SEPTIN9: variants seen among roughly 807,000 people sequenced by gnomAD.
SEPTIN9 encodes the protein septin 9, also known as septin-9.
Under a neutral mutation model 56.6 loss-of-function variants are expected in SEPTIN9, and 13 were observed. The observed-to-expected ratio is 0.23, with a 90% CI of 0.15 to 0.37. The LOEUF (loss-of-function observed/expected upper bound fraction) is 0.37. Among genes scored for constraint, SEPTIN9 ranks in the 10% least tolerant of loss-of-function variants. The pLI is 1.00. For missense variants in SEPTIN9, 650 were observed against 823.1 expected (o/e 0.79, Z 2.57); for synonymous variants, 332 against 334.1 (o/e 0.99, Z 0.07).
At chr17:77,346,225 A>T (rs2033886965) in intron 2 of SEPTIN9, among the ~76,000 whole-genome samples, 1 of 136,364 alleles carries the variant, frequency 7.3e-6, no homozygotes. Context: ...TACAGGCGTG[A>T]GCTACACTGC....
At chr17:77,439,003 CAT>C (rs959111583) in intron 3 of SEPTIN9, among the ~76,000 whole-genome samples, 14 of 152,302 alleles carry the variant, frequency 9.2e-5, no homozygotes, top group South Asian at 6.2e-4. Flanking sequence ...GGGCTGGACA[CAT>C]GTTTCCTTTT....
rs1037287242 is a variant in SEPTIN9, at chr17:77,329,768, G to T, written c.76+22571G>T. On this transcript the variant is annotated intron_variant, in intron 2 of 11. Transcript: ENST00000427177. The surrounding 1 kb of genome is among the most constrained non-coding windows in gnomAD (Gnocchi z 4.3). ...GGTTTCTTCCCAGCCTCTGACTCGG[G>T]GCAAGGTTCAGATATCCAGAACATT... 9.2e-5 allele frequency among the ~76,000 whole-genome samples: 14 copies of T among 152,068 alleles called. No individual in the cohort carries two copies. Among genetic ancestry groups the T allele is most frequent in the African/African-American group, 2.4e-4 (10 of 41,396 alleles).
At position 77,488,203 on chromosome 17, in the gene SEPTIN9, G is replaced by A. The variant is rs148393522; in HGVS notation, c.1043-37G>A. 3.6e-4 allele frequency: 572 copies of A among 1,602,718 alleles called. 1 individual carries two copies. The African/African-American group carries it at 4.5e-3, about 13-fold the overall frequency. ...TGTGGGGTGTCTGTGAGGGTCTTCC[G>A]TCTCCCCTCTGACTCTGCGTCCGTG... is the stretch of plus-strand genomic sequence containing the variant. On this transcript the variant is annotated intron_variant, in intron 5 of 11. Transcript: ENST00000427177.
At chr17:77,471,963 GC>G (rs368975712) in intron 3 of SEPTIN9, among the ~76,000 whole-genome samples, 1,776 of 151,056 alleles carry the variant, frequency 0.012, 32 homozygotes, top group African/African-American at 0.04. Context: ...ATATAAAATA[GC>G]CCCCCCCACC....
In SEPTIN9 at chr17:77,450,619, G is replaced by C. The variant is rs973708732; in HGVS notation, c.722-31525G>C. ...CCTATAGTGTCAGCTCCCTCCTCTG[G>C]GGACCCCCTTGCTTGTGCCCCTCTG... On this transcript the variant is annotated intron_variant, in intron 3 of 11. Coordinates refer to ENST00000427177, the MANE Select transcript of SEPTIN9 (RefSeq NM_001113491.2). The surrounding 1 kb of genome is among the most constrained non-coding windows in gnomAD (Gnocchi z 6.0). 1.0e-6 allele frequency: 1 copy of C among 985,782 alleles called. No homozygotes were observed. The highest frequency in any genetic ancestry group is 1.2e-6 in the Non-Finnish European group (1 of 830,236). 61.1% of individuals were successfully genotyped at this position (985,782 alleles called of 1,614,324 possible).
intron 2 of SEPTIN9, among the ~76,000 whole-genome samples, chr17:77,332,476 C>T (rs1210419494): frequency 2.0e-5 from 3 of 152,158 alleles, no homozygotes; most frequent in Non-Finnish European, 2.9e-5. Context: ...CCTGTCAACA[C>T]CTCAGTTTGC....
Position 77,318,154 on chromosome 17 carries a change from G to A in SEPTIN9, c.76+10957G>A, listed in dbSNP as rs2143643489. Reference sequence around the variant, plus strand: ...TGGAAAAATTGTCTTCCCTGAAACCGATCCCAGGTGCCAAAAAGGTTGGGG... The same window carrying A: ...TGGAAAAATTGTCTTCCCTGAAACCAATCCCAGGTGCCAAAAAGGTTGGGG... On this transcript the variant is annotated intron_variant, in intron 2 of 11. Transcript: ENST00000427177. The surrounding 1 kb of genome is among the most constrained non-coding windows in gnomAD (Gnocchi z 4.9). Among the ~76,000 whole-genome samples the A allele has an allele frequency of 6.6e-6, 1 of 152,058 alleles. No homozygotes were observed. The highest frequency in any genetic ancestry group is 3.4e-3 in the Middle Eastern group (1 of 292).
chr17:77,382,860 G>C (rs971275341), intron 2 of SEPTIN9, among the ~76,000 whole-genome samples: 1 of 152,072 alleles, frequency 6.6e-6, no homozygotes, highest in Non-Finnish European at 1.5e-5. Flanking sequence ...GCAAAGGCGG[G>C]GTCCCTCCCT....
intron 3 of SEPTIN9, among the ~76,000 whole-genome samples, chr17:77,467,426 C>T (rs1382991723): frequency 6.6e-6 from 1 of 152,120 alleles, no homozygotes; most frequent in Non-Finnish European, 1.5e-5. Flanking sequence ...CCCAGGGGCC[C>T]TGAGCCCAGC....
Position 77,384,657 on chromosome 17 carries a change from C to T in SEPTIN9, c.77-17402C>T, listed in dbSNP as rs561695960. On this transcript the variant is annotated intron_variant, in intron 2 of 11. Transcript: ENST00000427177. ...CCACCAAGAGTTGGGGACCAGCAGTCCATTTTTTAGCAAGATCCAGAAATG... is the reference window on the plus strand; with the variant it reads ...CCACCAAGAGTTGGGGACCAGCAGTTCATTTTTTAGCAAGATCCAGAAATG... Among the ~76,000 whole-genome samples, 3 of 147,990 alleles carry T rather than the reference C, an allele frequency of 2.0e-5. No homozygotes were observed. In the South Asian group the frequency reaches 6.5e-4, roughly 32 times the overall value.
chr17:77,466,097 CACACACACACGA>C (rs1187261298), intron 3 of SEPTIN9, among the ~76,000 whole-genome samples: 107 of 144,622 alleles, frequency 7.4e-4, no homozygotes, highest in African/African-American at 2.5e-3. Context: ...CACACACACA[CACACACACACGA>C]GTAAACTGTA....
intron 2 of SEPTIN9, among the ~76,000 whole-genome samples, chr17:77,379,713 G>A (rs534949633): frequency 1.3e-5 from 2 of 152,298 alleles, no homozygotes; most frequent in East Asian, 1.9e-4. Context: ...TCATCGTGCC[G>A]GGGATGGGGC....
intron 4 of SEPTIN9, among the ~76,000 whole-genome samples, chr17:77,485,158 A>T (rs1342167539): frequency 2.4e-4 from 1 of 4,150 alleles, no homozygotes; most frequent in South Asian, 5.7e-3. Context: ...GATGGGGGTG[A>T]TGATGGTAAT....
chr17:77,431,372 C>T lies in SEPTIN9; in HGVS notation c.721+28669C>T, dbSNP rs897743982. 2.6e-5 allele frequency among the ~76,000 whole-genome samples: 4 copies of T among 152,336 alleles called. No individual in the cohort carries two copies. In the East Asian group the frequency reaches 7.7e-4, roughly 29 times the overall value. On this transcript the variant is annotated intron_variant, in intron 3 of 11. Transcript: ENST00000427177. ...TTTGTGATTTTAAAAATCACACCTA[C>T]TTGTGACAAAATAATTAAATTAGAA...
At chr17:77,399,887 G>A (rs978389992) in intron 2 of SEPTIN9, among the ~76,000 whole-genome samples, 1 of 152,212 alleles carries the variant, frequency 6.6e-6, no homozygotes, top group Non-Finnish European at 1.5e-5. Context: ...GCTGCCCTGC[G>A]GCCACGTGAT....
Position 77,383,391 on chromosome 17 carries a change from A to T in SEPTIN9, c.77-18668A>T, listed in dbSNP as rs565186914. ...TGTCTTTTAATCCCCACGAGAGCCCAACAAGGTAGATTGGGCTGCTGAGGC... is the reference window on the plus strand; with the variant it reads ...TGTCTTTTAATCCCCACGAGAGCCCTACAAGGTAGATTGGGCTGCTGAGGC... On this transcript the variant is annotated intron_variant, in intron 2 of 11. Coordinates refer to ENST00000427177, the MANE Select transcript of SEPTIN9 (RefSeq NM_001113491.2). Among the ~76,000 whole-genome samples the T allele has an allele frequency of 7.2e-5, 11 of 152,194 alleles. No homozygotes were observed. In the East Asian group the frequency reaches 1.6e-3, roughly 21 times the overall value.
Position 77,310,502 on chromosome 17 carries a change from G to T in SEPTIN9, c.76+3305G>T, listed in dbSNP as rs1432399110. On this transcript the variant is annotated intron_variant, in intron 2 of 11. Transcript: ENST00000427177. The surrounding 1 kb of genome is among the most constrained non-coding windows in gnomAD (Gnocchi z 4.7). Reference sequence around the variant, plus strand: ...GCTAGCGAGTGTTCCTCTGTGTGGGGAGGCAGAGTTTGCCCGTCCCGTGGC... The same window carrying T: ...GCTAGCGAGTGTTCCTCTGTGTGGGTAGGCAGAGTTTGCCCGTCCCGTGGC... Among the ~76,000 whole-genome samples, 1 of 152,182 alleles carries T rather than the reference G, an allele frequency of 6.6e-6. No individual in the cohort carries two copies. Among genetic ancestry groups the T allele is most frequent in the Non-Finnish European group, 1.5e-5 (1 of 68,026 alleles).
intron 2 of SEPTIN9, among the ~76,000 whole-genome samples, chr17:77,359,572 T>C (rs1166833110): frequency 6.6e-6 from 1 of 152,082 alleles, no homozygotes; most frequent in Admixed American, 6.6e-5. Context: ...GGTGGGAAGA[T>C]TGCTTGGGGC....
At chr17:77,347,959 A>G (rs1240698382) in intron 2 of SEPTIN9, among the ~76,000 whole-genome samples, 1 of 152,126 alleles carries the variant, frequency 6.6e-6, no homozygotes, top group Non-Finnish European at 1.5e-5. Flanking sequence ...TTGAGATGAT[A>G]TTTATTTTCC....
Sources: allele counts gnomAD v4.1 joint callset (sites outside exome capture counted in the v4.1 genomes callset), GRCh38; gene constraint gnomAD v4.1.1; non-coding constraint Gnocchi (gnomAD v3.1); transcripts MANE v1.5; gene names NCBI Gene and HGNC (gene_info 2026-07-23, HGNC 2026-07-21).